CCSER1: variants seen among roughly 807,000 people sequenced by gnomAD.
CCSER1 encodes the protein coiled-coil serine rich protein 1.
A neutral mutation model predicts 82.0 loss-of-function variants in CCSER1; 41 were observed. That is an observed-to-expected ratio of 0.50 (90% CI 0.39 to 0.65). The LOEUF (loss-of-function observed/expected upper bound fraction) is 0.65. CCSER1 is among the 30% of genes least tolerant of loss of function. The probability of loss-of-function intolerance (pLI) is 0.00; values close to 1 mark genes in which losing one functional copy is unlikely to be tolerated. For synonymous variants in CCSER1, 414 were observed against 383.9 expected, an observed-to-expected ratio of 1.08 and a Z score of -0.92; for missense variants, 1,119 against 1,064.2, an observed-to-expected ratio of 1.05 and a Z score of -0.72.
chr4:91,154,534 A>C (rs1197800101), intron 10 of CCSER1, among the ~76,000 whole-genome samples: 3 of 151,924 alleles, frequency 2.0e-5, no homozygotes. Flanking sequence ...ACTGTCCTGC[A>C]CCCACTGTCC....
At chr4:90,352,610 C>T (rs901045265) in intron 3 of CCSER1, among the ~76,000 whole-genome samples, 1 of 149,644 alleles carries the variant, frequency 6.7e-6, no homozygotes, top group Non-Finnish European at 1.5e-5. Context: ...TGCAGTGAGC[C>T]GAGATCGTGC....
intron 9 of CCSER1, among the ~76,000 whole-genome samples, chr4:90,957,685 G>T (rs1307293632): frequency 9.7e-6 from 1 of 102,836 alleles, no homozygotes; most frequent in Non-Finnish European, 1.9e-5. Flanking sequence ...CATGGTATAT[G>T]TATAATTTCA....
intron 1 of CCSER1, among the ~76,000 whole-genome samples, chr4:90,174,821 A>C (rs114425881): frequency 1.3e-5 from 2 of 151,974 alleles, no homozygotes; most frequent in African/African-American, 4.8e-5. Context: ...TGGCAAACCT[A>C]TTAGAGAAGT....
At chr4:91,085,206 A>T (rs1188180280) in intron 9 of CCSER1, among the ~76,000 whole-genome samples, 1 of 151,940 alleles carries the variant, frequency 6.6e-6, no homozygotes, top group Admixed American at 6.6e-5. Flanking sequence ...TCAAATTTTC[A>T]TCAAAAATAG....
intron 10 of CCSER1, among the ~76,000 whole-genome samples, chr4:91,242,236 G>A (rs1254195629): frequency 6.6e-6 from 1 of 152,210 alleles, no homozygotes; most frequent in Non-Finnish European, 1.5e-5. Context: ...AAAGTGGACG[G>A]TGTGATTGGA....
intron 10 of CCSER1, among the ~76,000 whole-genome samples, chr4:91,492,303 C>T (rs1758591699): frequency 6.6e-6 from 1 of 152,038 alleles, no homozygotes; most frequent in Non-Finnish European, 1.5e-5. Context: ...TTTACTACTG[C>T]CTCAAATCTG....
At chr4:91,145,315 C>T (rs1276704601) in intron 10 of CCSER1, among the ~76,000 whole-genome samples, 2 of 152,038 alleles carry the variant, frequency 1.3e-5, no homozygotes, top group Non-Finnish European at 2.9e-5. Context: ...CATAATAGTT[C>T]TTCTCTGTCC....
chr4:91,499,709 A>G (rs1759105476), intron 10 of CCSER1, among the ~76,000 whole-genome samples: 1 of 151,992 alleles, frequency 6.6e-6, no homozygotes, highest in Non-Finnish European at 1.5e-5. Flanking sequence ...AAAATGTCAT[A>G]TAATTGAAAT....
chr4:91,321,652 T>C (rs1392921238), intron 10 of CCSER1, among the ~76,000 whole-genome samples: 4 of 152,094 alleles, frequency 2.6e-5, no homozygotes, highest in Non-Finnish European at 4.4e-5. Context: ...CAACTTAAGG[T>C]TTTTTATTTT....
chr4:90,996,199 T>C (rs1737477589), intron 9 of CCSER1, among the ~76,000 whole-genome samples: 1 of 152,138 alleles, frequency 6.6e-6, no homozygotes, highest in Admixed American at 6.5e-5. Flanking sequence ...CAAATCTTGT[T>C]GTAGATGTGT....
intron 10 of CCSER1, among the ~76,000 whole-genome samples, chr4:91,534,654 C>A (rs1474613491): frequency 6.6e-6 from 1 of 151,966 alleles, no homozygotes; most frequent in African/African-American, 2.4e-5. Context: ...AGCTATGTGA[C>A]AACATGTTTA....
At chr4:91,378,646 T>G (rs2149333707) in intron 10 of CCSER1, among the ~76,000 whole-genome samples, 1 of 152,330 alleles carries the variant, frequency 6.6e-6, no homozygotes, top group East Asian at 1.9e-4. Context: ...GTAGGAGATT[T>G]TGGGCTGAGA....
intron 9 of CCSER1, among the ~76,000 whole-genome samples, chr4:90,962,481 T>C (rs1344537117): frequency 6.6e-6 from 1 of 152,140 alleles, no homozygotes; most frequent in African/African-American, 2.4e-5. Flanking sequence ...CTAAATTCAA[T>C]TTGACAGTAA....
intron 1 of CCSER1, among the ~76,000 whole-genome samples, chr4:90,237,411 G>A (rs544058478): frequency 6.6e-6 from 1 of 152,164 alleles, no homozygotes; most frequent in East Asian, 1.9e-4. Context: ...TTTTTCTTAT[G>A]CTGTAAACCT....
At chr4:90,381,199 GATA>G (rs1749150786) in intron 3 of CCSER1, among the ~76,000 whole-genome samples, 1 of 152,246 alleles carries the variant, frequency 6.6e-6, no homozygotes, top group Admixed American at 6.5e-5. Flanking sequence ...CCACCCTTGT[GATA>G]ATTAATATGC....
At chr4:91,140,182 G>C (rs1208044560) in intron 10 of CCSER1, among the ~76,000 whole-genome samples, 7 of 151,760 alleles carry the variant, frequency 4.6e-5, no homozygotes, top group African/African-American at 1.5e-4. Flanking sequence ...TAGAAAAATT[G>C]TTCCCTTCCT....
At chr4:91,062,518 T>TA (rs1423753819) in intron 9 of CCSER1, among the ~76,000 whole-genome samples, 1 of 152,042 alleles carries the variant, frequency 6.6e-6, no homozygotes, top group African/African-American at 2.4e-5. Context: ...TTAGTCCCTA[T>TA]ACATTTTCCT....
intron 7 of CCSER1, among the ~76,000 whole-genome samples, chr4:90,754,712 T>G (rs1749218658): frequency 6.6e-6 from 1 of 152,224 alleles, no homozygotes; most frequent in Admixed American, 6.5e-5. Context: ...TTTTCTGACT[T>G]GAACATTTTG....
intron 10 of CCSER1, among the ~76,000 whole-genome samples, chr4:91,159,730 G>A (rs1479003276): frequency 6.6e-6 from 1 of 151,850 alleles, no homozygotes. Flanking sequence ...ACTGTTGTGT[G>A]TGAATATAAA....
Sources: allele counts gnomAD v4.1 joint callset (sites outside exome capture counted in the v4.1 genomes callset), GRCh38; gene constraint gnomAD v4.1.1; transcripts MANE v1.5; gene names NCBI Gene and HGNC (gene_info 2026-07-23, HGNC 2026-07-21).